The following LRBA variants were observed in gnomAD, a reference collection of about 807,000 sequenced individuals.
The protein encoded by LRBA is lipopolysaccharide-responsive and beige-like anchor protein.
In LRBA, 176 loss-of-function variants were observed where a neutral mutation model predicts 330.0. The ratio of observed to expected loss-of-function variants is 0.53; its 90% CI spans 0.47 to 0.60. The LOEUF is 0.60. Ranked by LOEUF, LRBA falls within the 20% of genes least tolerant of loss-of-function variation. The pLI, the probability that LRBA is intolerant of heterozygous loss-of-function variation, is 0.00. For missense variants in LRBA, 3,259 were observed against 3,444.8 expected (o/e 0.95, Z 1.35); for synonymous variants, 1,230 against 1,193.0 (o/e 1.03, Z -0.64).
chr4:150,613,384 G>T (rs1304940962), intron 37 of LRBA, among the ~76,000 whole-genome samples: 1 of 152,162 alleles, frequency 6.6e-6, no homozygotes, highest in African/African-American at 2.4e-5. Flanking sequence ...TTGAGTCAAA[G>T]AGTTAACAGA....
chr4:150,932,217 A>G (rs1002780207), intron 2 of LRBA, among the ~76,000 whole-genome samples: 1 of 152,132 alleles, frequency 6.6e-6, no homozygotes, highest in Non-Finnish European at 1.5e-5. Flanking sequence ...CATAATAATC[A>G]GAAACTCTAT....
At chr4:150,688,378 C>G (rs1403174263) in intron 36 of LRBA, among the ~76,000 whole-genome samples, 1 of 152,182 alleles carries the variant, frequency 6.6e-6, no homozygotes, top group Admixed American at 6.5e-5. Flanking sequence ...CAATGCCATT[C>G]AGGACATAGG....
chr4:150,695,682 G>A (rs1453865580), intron 36 of LRBA, among the ~76,000 whole-genome samples: 1 of 152,140 alleles, frequency 6.6e-6, no homozygotes, highest in Non-Finnish European at 1.5e-5. Flanking sequence ...AGGGATGACT[G>A]TGTATCTTCA....
At chr4:150,415,384 AAGATGCTTTG>A in intron 47 of LRBA, 44 bp downstream of exon 47, 6 of 1,539,588 alleles carry the variant, frequency 3.9e-6, no homozygotes, top group Non-Finnish European at 5.3e-6. Flanking sequence ...CAACACATGA[AAGATGCTTTG>A]AGCAAAAGCT....
At chr4:150,664,648 C>T (rs1485559789) in intron 37 of LRBA, among the ~76,000 whole-genome samples, 1 of 152,106 alleles carries the variant, frequency 6.6e-6, no homozygotes, top group Non-Finnish European at 1.5e-5. Flanking sequence ...ATTGAGTAAA[C>T]TGAGGTTTAG....
chr4:150,324,015 A>G (rs1732903410), intron 49 of LRBA, among the ~76,000 whole-genome samples: 1 of 152,198 alleles, frequency 6.6e-6, no homozygotes, highest in South Asian at 2.1e-4. Context: ...CAAAGCGAAA[A>G]ACACAATTTG....
chr4:150,330,050 T>C (rs1222097284), intron 48 of LRBA, among the ~76,000 whole-genome samples: 1 of 152,174 alleles, frequency 6.6e-6, no homozygotes, highest in Non-Finnish European at 1.5e-5. Flanking sequence ...ATTTCTCTGA[T>C]CAAATGTCTT....
chr4:150,868,004 C>T (rs1159766597), intron 21 of LRBA, 141 bp from the exon 22 acceptor site: 12 of 893,070 alleles, frequency 1.3e-5, no homozygotes, highest in African/African-American at 1.7e-5. Flanking sequence ...AAGAACAATT[C>T]GACAATGTGG....
At chr4:150,540,672 A>C (rs965483302) in intron 40 of LRBA, among the ~76,000 whole-genome samples, 1 of 152,154 alleles carries the variant, frequency 6.6e-6, no homozygotes, top group Middle Eastern at 3.2e-3. Context: ...TTTTTCCTTT[A>C]TAACTTTCAA....
At chr4:150,477,149 A>C (rs1756804733) in intron 42 of LRBA, among the ~76,000 whole-genome samples, 3 of 152,150 alleles carry the variant, frequency 2.0e-5, no homozygotes, top group Admixed American at 2.0e-4. Flanking sequence ...TCTGGAGGTC[A>C]AAAGCTAAAT....
At chr4:150,428,068 T>C (rs1052442750) in intron 46 of LRBA, among the ~76,000 whole-genome samples, 4 of 152,108 alleles carry the variant, frequency 2.6e-5, no homozygotes, top group Non-Finnish European at 5.9e-5. Flanking sequence ...TATTATTATT[T>C]AACATGCATA....
At chr4:150,389,954 C>T (rs538215805) in intron 47 of LRBA, among the ~76,000 whole-genome samples, 196 of 132,028 alleles carry the variant, frequency 1.5e-3, no homozygotes, top group African/African-American at 5.3e-3. Flanking sequence ...TGAGAAGGAA[C>T]GGAGTATCTG....
rs547059476 is a variant in LRBA, at chr4:150,459,030, G to A, written c.6780+8643C>T. 2.6e-4 allele frequency among the ~76,000 whole-genome samples: 39 copies of A among 151,984 alleles called. No homozygotes were observed. In the Middle Eastern group the frequency reaches 0.01, roughly 40 times the overall value. ...CACTGAAGGGAAATCAAGTGGGCTC[G>A]AAGTAGAATCCCTAAATGTTTTATT... On this transcript the variant is annotated intron_variant, in intron 44 of 56. Transcript: ENST00000651943.
intron 36 of LRBA, among the ~76,000 whole-genome samples, chr4:150,687,185 T>C (rs1561516205): frequency 6.6e-6 from 1 of 152,112 alleles, no homozygotes; most frequent in Non-Finnish European, 1.5e-5. Flanking sequence ...ATAATGTAAT[T>C]TGAAGATGTT....
chr4:150,792,571 C>T (rs943312042), intron 34 of LRBA, among the ~76,000 whole-genome samples: 11 of 152,112 alleles, frequency 7.2e-5, no homozygotes, highest in Non-Finnish European at 1.5e-4. Flanking sequence ...TGCACCAGTG[C>T]GACCCTAGCT....
rs1257342786 is a variant in LRBA at position 150,440,640 on chromosome 4, G to GGT, written c.6781-3778_6781-3777dup. 2.0e-5 allele frequency among the ~76,000 whole-genome samples: 3 copies of GGT among 152,076 alleles called. No individual in the cohort carries two copies. In the East Asian group the frequency reaches 5.8e-4, roughly 29 times the overall value. On this transcript the variant is annotated intron_variant, in intron 44 of 56. Coordinates refer to ENST00000651943, the MANE Select transcript of LRBA (RefSeq NM_001364905.1). Reference sequence around the variant, plus strand: ...AAATCAGAAATCAGATGGGCATGGTGGTGTATGCCTATAGTCCCAACTACT... The same window carrying GGT: ...AAATCAGAAATCAGATGGGCATGGTGGTGTGTATGCCTATAGTCCCAACTACT...
intron 47 of LRBA, 147 bp downstream of exon 47, chr4:150,415,291 G>A: frequency 1.8e-6 from 1 of 552,694 alleles, no homozygotes; most frequent in Non-Finnish European, 3.1e-6. Context: ...TATATACAAG[G>A]ATTCTTGAGC....
At chr4:150,939,990 CA>C (rs1735494818) in intron 2 of LRBA, among the ~76,000 whole-genome samples, 1 of 151,416 alleles carries the variant, frequency 6.6e-6, no homozygotes, top group Non-Finnish European at 1.5e-5. Context: ...ACTTCAATGT[CA>C]AAAAATAGGT....
chr4:150,685,520 G>A (rs1460936896), intron 36 of LRBA, among the ~76,000 whole-genome samples: 65 of 133,838 alleles, frequency 4.9e-4, no homozygotes, highest in African/African-American at 1.3e-3. Context: ...TGCAACCTCC[G>A]CCTCCTGGGT....
Sources: allele counts gnomAD v4.1 joint callset (sites outside exome capture counted in the v4.1 genomes callset), GRCh38; gene constraint gnomAD v4.1.1; transcripts MANE v1.5; gene names NCBI Gene and HGNC (gene_info 2026-07-23, HGNC 2026-07-21).